Variants in ACTR3C observed in about 807,000 individuals in gnomAD.
ACTR3C encodes the protein actin-related protein 3C.
A neutral mutation model predicts 26.3 loss-of-function variants in ACTR3C; 18 were observed. The ratio of observed to expected loss-of-function variants is 0.68; its 90% CI spans 0.47 to 1.01. ACTR3C has a LOEUF of 1.01. Ranked by LOEUF, ACTR3C falls within the 50% of genes least tolerant of loss-of-function variation. ACTR3C has a pLI of 0.00. For synonymous variants in ACTR3C, 55 were observed against 94.5 expected (o/e 0.58, Z 2.42); for missense variants, 184 against 250.7 (o/e 0.73, Z 1.80).
chr7:150,075,583 C>A, the ACTR3C span, among the ~76,000 whole-genome samples: 6 of 152,148 alleles, frequency 3.9e-5, no homozygotes, highest in Non-Finnish European at 7.3e-5. Flanking sequence ...AAAAGGAGTT[C>A]TAGAATCGAC....
the ACTR3C span, among the ~76,000 whole-genome samples, chr7:150,033,909 C>T: frequency 0.013 from 1,707 of 134,516 alleles, 6 homozygotes; most frequent in African/African-American, 0.045. Context: ...TCAGTCCCCG[C>T]GTCGCGAGGG....
the ACTR3C span, among the ~76,000 whole-genome samples, chr7:150,134,651 C>T: frequency 1.8e-4 from 27 of 152,400 alleles, no homozygotes; most frequent in East Asian, 3.8e-4. Context: ...AGCTTTTCGA[C>T]GCCACCAGAG....
At chr7:150,200,712 G>A in the ACTR3C span, among the ~76,000 whole-genome samples, 5 of 151,966 alleles carry the variant, frequency 3.3e-5, no homozygotes, top group Admixed American at 1.3e-4. Context: ...ACATATGAAC[G>A]AACAGACATA....
chr7:150,164,809 G>A, the ACTR3C span, among the ~76,000 whole-genome samples: 1 of 152,152 alleles, frequency 6.6e-6, no homozygotes. Flanking sequence ...ATTACTGTGT[G>A]AAGGTCTTAG....
At chr7:150,117,813 T>C in the ACTR3C span, among the ~76,000 whole-genome samples, 2 of 152,212 alleles carry the variant, frequency 1.3e-5, no homozygotes, top group African/African-American at 2.4e-5. Flanking sequence ...CAGAGGTCGA[T>C]AGACACCTCA....
chr7:150,148,462 G>A, the ACTR3C span, among the ~76,000 whole-genome samples: 3 of 152,020 alleles, frequency 2.0e-5, no homozygotes, highest in Admixed American at 6.6e-5. Context: ...GGGCGACAGA[G>A]CAAGACACTG....
the ACTR3C span, among the ~76,000 whole-genome samples, chr7:150,221,100 C>CA: frequency 2.6e-5 from 4 of 152,272 alleles, no homozygotes; most frequent in Non-Finnish European, 5.9e-5. Context: ...GCACGAGCTA[C>CA]AGCGGAGGGA....
the ACTR3C span, among the ~76,000 whole-genome samples, chr7:149,884,990 G>A: frequency 6.6e-6 from 1 of 152,114 alleles, no homozygotes; most frequent in African/African-American, 2.4e-5. Context: ...TTGACAATTT[G>A]GGCTAGATAA....
At chr7:150,100,697 T>TTTC in the ACTR3C span, among the ~76,000 whole-genome samples, 3 of 149,324 alleles carry the variant, frequency 2.0e-5, no homozygotes, top group East Asian at 5.9e-4. Context: ...GAGCTTGAGT[T>TTTC]TTTCTTTCTT....
the ACTR3C span, chr7:150,002,476 T>C: frequency 4.6e-5 from 7 of 152,278 alleles, no homozygotes; most frequent in African/African-American, 1.7e-4. Context: ...CATGCAACGG[T>C]GCTAACTTTC....
At chr7:150,201,131 C>G in the ACTR3C span, among the ~76,000 whole-genome samples, 1 of 152,184 alleles carries the variant, frequency 6.6e-6, no homozygotes, top group African/African-American at 2.4e-5. Context: ...TATCAATTTT[C>G]TAACAGTGAG....
intron 6 of ACTR3C, among the ~76,000 whole-genome samples, chr7:150,254,885 G>T (rs1833098799): frequency 6.6e-6 from 1 of 152,144 alleles, no homozygotes; most frequent in Non-Finnish European, 1.5e-5. Context: ...AGAGGACATA[G>T]GCTTACTCTG....
At chr7:150,281,132 A>G (rs911554328) in intron 6 of ACTR3C, among the ~76,000 whole-genome samples, 3 of 152,096 alleles carry the variant, frequency 2.0e-5, no homozygotes, top group African/African-American at 7.3e-5. Context: ...ACTCCTGGAG[A>G]GAGGGCGTCT....
chr7:150,180,222 G>A, the ACTR3C span, among the ~76,000 whole-genome samples: 36 of 149,734 alleles, frequency 2.4e-4, 4 homozygotes, highest in African/African-American at 7.6e-4. Context: ...GGAGAATGGC[G>A]TGAACCCGGG....
the ACTR3C span, among the ~76,000 whole-genome samples, chr7:150,113,889 TCATTC>T: frequency 2.0e-5 from 3 of 152,126 alleles, no homozygotes; most frequent in African/African-American, 7.2e-5. Context: ...TCTCACAGCT[TCATTC>T]AAATTAAATG....
intron 1 of ACTR3C, among the ~76,000 whole-genome samples, chr7:150,299,204 A>T (rs1584962444): frequency 1.3e-5 from 2 of 151,520 alleles, no homozygotes; most frequent in Non-Finnish European, 2.9e-5. Context: ...GCTGGTCTCG[A>T]GCTCCTGACC....
intron 6 of ACTR3C, among the ~76,000 whole-genome samples, chr7:150,275,553 A>T (rs1410784827): frequency 6.6e-6 from 1 of 152,156 alleles, no homozygotes; most frequent in Admixed American, 6.5e-5. Context: ...TCTACTAAAA[A>T]TACAAAAATC....
At chr7:149,910,608 C>T in the ACTR3C span, among the ~76,000 whole-genome samples, 259 of 152,124 alleles carry the variant, frequency 1.7e-3, no homozygotes, top group East Asian at 0.046. Context: ...ACAACCAAGC[C>T]GTCATTCTGT....
At chr7:150,198,376 C>T in the ACTR3C span, among the ~76,000 whole-genome samples, 3,458 of 147,916 alleles carry the variant, frequency 0.023, 71 homozygotes, top group South Asian at 0.038. Flanking sequence ...TGCGCCCGGC[C>T]GCCATCCCAT....
Sources: gnomAD v4.1 joint callset for allele counts (sites outside exome capture counted in the v4.1 genomes callset) on GRCh38, gnomAD v4.1.1 for gene constraint, MANE v1.5 for transcripts, NCBI Gene and HGNC (gene_info 2026-07-23, HGNC 2026-07-21) for gene names.